LCLAT1: variants seen among roughly 807,000 people sequenced by gnomAD.
LCLAT1 encodes the protein lysocardiolipin acyltransferase 1.
LCLAT1 carries 11 observed loss-of-function variants against 30.7 expected under a neutral mutation model. The observed-to-expected ratio is 0.36, with a 90% CI of 0.23 to 0.59. LCLAT1 has a LOEUF of 0.59. Ranked by LOEUF, LCLAT1 falls within the 20% of genes least tolerant of loss-of-function variation. The probability of loss-of-function intolerance (pLI) is 0.77; values close to 1 mark genes in which losing one functional copy is unlikely to be tolerated. For synonymous variants in LCLAT1, 155 were observed against 151.3 expected (o/e 1.02, Z -0.18); for missense variants, 402 against 458.6 (o/e 0.88, Z 1.13).
At chr2:30,508,861 A>G (rs867307071) in intron 1 of LCLAT1, among the ~76,000 whole-genome samples, 2 of 152,188 alleles carry the variant, frequency 1.3e-5, no homozygotes, top group Admixed American at 6.5e-5. Context: ...TTTGTGTAGT[A>G]TGGCCATTTT....
At chr2:30,483,769 A>C (rs1683431814) in intron 1 of LCLAT1, among the ~76,000 whole-genome samples, 1 of 152,192 alleles carries the variant, frequency 6.6e-6, no homozygotes, top group Non-Finnish European at 1.5e-5. Flanking sequence ...ATTTAAAACT[A>C]AAACTCCTAC....
intron 5 of LCLAT1, among the ~76,000 whole-genome samples, chr2:30,608,269 C>G (rs1667555680): frequency 6.6e-6 from 1 of 150,788 alleles, no homozygotes. Context: ...TGCTTGCACT[C>G]CAGCCTGGGT....
chr2:30,484,608 A>G (rs1435726301), intron 1 of LCLAT1, among the ~76,000 whole-genome samples: 1 of 152,154 alleles, frequency 6.6e-6, no homozygotes, highest in Non-Finnish European at 1.5e-5. Flanking sequence ...AAAATCTCTA[A>G]TGCAGATCTA....
At position 30,625,922 on chromosome 2, in the gene LCLAT1, T is replaced by TTAA. The variant is rs1253356984; in HGVS notation, c.629-14193_629-14192insATA. ...AAGAAAGATAATTTCTCAAGGGCTC[T>TTAA]TACGATACTTAAAAGTGACTGTGTG... On this transcript the variant is annotated intron_variant, in intron 5 of 5. Transcript: ENST00000379509. Among the ~76,000 whole-genome samples the TTAA allele has an allele frequency of 2.7e-4, 41 of 152,288 alleles. No individual in the cohort carries two copies. In the East Asian group the frequency reaches 7.7e-3, roughly 29 times the overall value.
At chr2:30,463,103 TAA>T (rs912263819) in intron 1 of LCLAT1, among the ~76,000 whole-genome samples, 1 of 151,898 alleles carries the variant, frequency 6.6e-6, no homozygotes, top group African/African-American at 2.4e-5. Context: ...TCTCTCTTAA[TAA>T]AAAAAGTCAA....
chr2:30,529,505 A>T (rs1169859396), intron 2 of LCLAT1, among the ~76,000 whole-genome samples: 1 of 152,178 alleles, frequency 6.6e-6, no homozygotes, highest in Non-Finnish European at 1.5e-5. Context: ...TGAATATTGT[A>T]AGGGTCAAAC....
At chr2:30,557,169 T>C (rs1449404046) in intron 3 of LCLAT1, among the ~76,000 whole-genome samples, 1 of 152,126 alleles carries the variant, frequency 6.6e-6, no homozygotes, top group Admixed American at 6.5e-5. Context: ...AGAAAACTGG[T>C]TTGAGAATTG....
chr2:30,592,889 C>G (rs1418959506), intron 5 of LCLAT1, among the ~76,000 whole-genome samples: 1 of 152,190 alleles, frequency 6.6e-6, no homozygotes, highest in Admixed American at 6.5e-5. Context: ...AATAATTGGA[C>G]TGTCACCTCA....
At chr2:30,451,287 G>A (rs754850116) in intron 1 of LCLAT1, among the ~76,000 whole-genome samples, 34 of 152,294 alleles carry the variant, frequency 2.2e-4, no homozygotes, top group Non-Finnish European at 4.1e-4. Flanking sequence ...TGGCAAGGGT[G>A]TAGACCAACT....
chr2:30,493,255 A>G (rs576507245), intron 1 of LCLAT1, among the ~76,000 whole-genome samples: 1 of 152,336 alleles, frequency 6.6e-6, no homozygotes, highest in South Asian at 2.1e-4. Context: ...ACTCAAGGAA[A>G]TTTGTAAGGC....
At chr2:30,611,742 G>A (rs1667748675) in intron 5 of LCLAT1, among the ~76,000 whole-genome samples, 1 of 152,218 alleles carries the variant, frequency 6.6e-6, no homozygotes, top group South Asian at 2.1e-4. Context: ...ACTTCATCTG[G>A]GTCAGCTGAG....
At chr2:30,581,070 TAA>T (rs1218768695) in intron 5 of LCLAT1, among the ~76,000 whole-genome samples, 1 of 152,120 alleles carries the variant, frequency 6.6e-6, no homozygotes, top group Admixed American at 6.5e-5. Context: ...TGGAGGTGAT[TAA>T]TCAGAGTTTG....
chr2:30,629,749 A>AAGG (rs1207652167), intron 5 of LCLAT1, among the ~76,000 whole-genome samples: 2 of 152,204 alleles, frequency 1.3e-5, no homozygotes, highest in Non-Finnish European at 2.9e-5. Flanking sequence ...TAAGCTTATG[A>AAGG]AGGTATCTAT....
At chr2:30,509,152 C>CT (rs1331918433) in intron 1 of LCLAT1, among the ~76,000 whole-genome samples, 1 of 152,114 alleles carries the variant, frequency 6.6e-6, no homozygotes, top group Non-Finnish European at 1.5e-5. Context: ...TGTTTATCAG[C>CT]TTAAGGAGTT....
intron 5 of LCLAT1, among the ~76,000 whole-genome samples, chr2:30,626,251 C>G (rs185035521): frequency 6.6e-6 from 1 of 152,138 alleles, no homozygotes; most frequent in Non-Finnish European, 1.5e-5. Context: ...GTTTCATTTG[C>G]AGGGGTTTTG....
intron 5 of LCLAT1, among the ~76,000 whole-genome samples, chr2:30,590,721 G>A (rs1396757314): frequency 6.6e-6 from 1 of 151,722 alleles, no homozygotes; most frequent in Non-Finnish European, 1.5e-5. Flanking sequence ...AGCAGGTAGT[G>A]GCATGGAAAT....
chr2:30,618,853 A>ATAGTT (rs1668113293), intron 5 of LCLAT1, among the ~76,000 whole-genome samples: 1 of 152,172 alleles, frequency 6.6e-6, no homozygotes, highest in African/African-American at 2.4e-5. Flanking sequence ...TCTCTACATC[A>ATAGTT]TAGTTTGTGA....
At chr2:30,525,452 C>G in intron 1 of LCLAT1, 135 bp from the exon 2 acceptor site, 1 of 674,382 alleles carries the variant, frequency 1.5e-6, no homozygotes, top group Non-Finnish European at 2.5e-6. Context: ...CTTTGAAATT[C>G]AGACTCTTAT....
chr2:30,636,010 A>G (rs1331571567), intron 5 of LCLAT1, among the ~76,000 whole-genome samples: 2 of 152,204 alleles, frequency 1.3e-5, no homozygotes, highest in African/African-American at 4.8e-5. Context: ...GATGGCAACC[A>G]GGTACCCAAA....
Sources: allele counts gnomAD v4.1 joint callset (sites outside exome capture counted in the v4.1 genomes callset), GRCh38; gene constraint gnomAD v4.1.1; transcripts MANE v1.5; gene names NCBI Gene and HGNC (gene_info 2026-07-23, HGNC 2026-07-21).